The following SAMD8 variants were observed in gnomAD, a reference collection of about 807,000 sequenced individuals.
SAMD8 encodes the protein sphingomyelin synthase-related protein 1.
SAMD8 carries 20 observed loss-of-function variants against 42.0 expected under a neutral mutation model. The ratio of observed to expected loss-of-function variants is 0.48; its 90% CI spans 0.34 to 0.69. The LOEUF is 0.69. Among genes scored for constraint, SAMD8 ranks in the 30% least tolerant of loss-of-function variants. The pLI, the probability that SAMD8 is intolerant of heterozygous loss-of-function variation, is 0.01. For missense variants in SAMD8, 328 were observed against 511.6 expected, an observed-to-expected ratio of 0.64 and a Z score of 3.46; for synonymous variants, 162 against 173.0, an observed-to-expected ratio of 0.94 and a Z score of 0.50.
intron 4 of SAMD8, among the ~76,000 whole-genome samples, chr10:75,169,458 G>A (rs978012129): frequency 4.6e-5 from 7 of 150,882 alleles, no homozygotes; most frequent in Non-Finnish European, 7.4e-5. Context: ...CTCTAGCCTG[G>A]GCAACAGAGC....
At chr10:75,110,104 G>A (rs889155445), upstream of SAMD8, among the ~76,000 whole-genome samples, 7 of 152,214 alleles carry the variant, frequency 4.6e-5, no homozygotes, top group East Asian at 5.8e-4. Context: ...GGTGTGAGCC[G>A]CCGTGCCGGG....
chr10:75,162,360 A>G (rs1840576533), intron 2 of SAMD8, among the ~76,000 whole-genome samples: 1 of 151,948 alleles, frequency 6.6e-6, no homozygotes, highest in African/African-American at 2.4e-5. Flanking sequence ...CTGTGTTTCA[A>G]AAAAGTGAGG....
At chr10:75,137,445 C>T (rs1839915052) in intron 1 of SAMD8, among the ~76,000 whole-genome samples, 1 of 151,448 alleles carries the variant, frequency 6.6e-6, no homozygotes, top group Non-Finnish European at 1.5e-5. Flanking sequence ...GAGGCTGAGG[C>T]AGGAGAATTG....
intron 1 of SAMD8, among the ~76,000 whole-genome samples, chr10:75,115,264 C>T (rs750150109): frequency 1.1e-4 from 16 of 152,152 alleles, no homozygotes; most frequent in Non-Finnish European, 1.8e-4. Context: ...TGATGTAACA[C>T]ATTGAGGGGT....
intron 1 of SAMD8, among the ~76,000 whole-genome samples, chr10:75,122,946 G>A (rs1285208194): frequency 6.6e-6 from 1 of 152,068 alleles, no homozygotes; most frequent in Non-Finnish European, 1.5e-5. Context: ...TGCATCCCTG[G>A]AATGAACCCT....
intron 1 of SAMD8, among the ~76,000 whole-genome samples, chr10:75,099,912 G>A (rs760606249): frequency 2.6e-5 from 4 of 152,178 alleles, no homozygotes; most frequent in Admixed American, 6.5e-5. Flanking sequence ...TGAGAGAGGA[G>A]TGTCTGGATA....
intron 1 of SAMD8, among the ~76,000 whole-genome samples, chr10:75,112,438 CT>C (rs1848794381): frequency 6.6e-6 from 1 of 151,996 alleles, no homozygotes. Context: ...GGGCAATGTA[CT>C]TGGATCGTGG....
At chr10:75,106,635 A>G (rs538128164) in intron 1 of SAMD8, among the ~76,000 whole-genome samples, 10 of 152,016 alleles carry the variant, frequency 6.6e-5, no homozygotes, top group Non-Finnish European at 8.8e-5. Context: ...AGCCCTCCAC[A>G]CTGGCCCACT....
chr10:75,124,738 GTC>G (rs2134434334), intron 1 of SAMD8, among the ~76,000 whole-genome samples: 1 of 150,984 alleles, frequency 6.6e-6, no homozygotes, highest in East Asian at 1.9e-4. Flanking sequence ...CTGTCTTCAT[GTC>G]TGTCATTATA....
intron 1 of SAMD8, chr10:75,125,305 AGC>A (rs1849104712): frequency 6.6e-6 from 1 of 152,236 alleles, no homozygotes; most frequent in Non-Finnish European, 1.5e-5. Context: ...CCCAGGGACA[AGC>A]CTTTTAAGAA....
chr10:75,133,314 A>G (rs1031949882), intron 1 of SAMD8, among the ~76,000 whole-genome samples: 1 of 151,744 alleles, frequency 6.6e-6, no homozygotes, highest in Admixed American at 6.6e-5. Context: ...GAGGTGGGAG[A>G]ATTGCTTGAG....
At chr10:75,117,489 T>C (rs918268128) in intron 1 of SAMD8, among the ~76,000 whole-genome samples, 6 of 149,322 alleles carry the variant, frequency 4.0e-5, no homozygotes, top group Non-Finnish European at 7.4e-5. Flanking sequence ...CCAAGGTGGG[T>C]GGCTTACTTG....
rs1841076831 is a variant in SAMD8, at chr10:75,181,256, T to C, written c.*4564T>C. 2 of 152,206 alleles carry C rather than the reference T, an allele frequency of 1.3e-5. No individual in the cohort carries two copies. Among genetic ancestry groups the C allele is most frequent in the African/African-American group, 4.8e-5 (2 of 41,448 alleles). The allele number at this position is 152,206 out of a possible 1,614,324, so 9.4% of individuals were successfully genotyped here. The stretch of plus-strand genomic sequence containing the variant: ...TGTTTGTAAGCAGTTTAGCCTGAAT[T>C]ATCCCATACTGCTGTAGAGGAGAAT... On this transcript the variant is annotated 3_prime_UTR_variant, in exon 6 of 6. Coordinates refer to ENST00000542569, the MANE Select transcript of SAMD8 (RefSeq NM_001174156.2).
intron 1 of SAMD8, among the ~76,000 whole-genome samples, chr10:75,117,615 G>A (rs1848916436): frequency 6.6e-6 from 1 of 152,146 alleles, no homozygotes; most frequent in South Asian, 2.1e-4. Context: ...TGCTTGGGAG[G>A]CTGAGGCAGG....
chr10:75,103,255 C>T lies in SAMD8; in HGVS notation c.-16+3527C>T, dbSNP rs115221114. ...CATTGCCAACAGCAGGACCCAGGTC[C>T]GGGGCCCTCAGTTAGGGGCCAAGGC... On this transcript the variant is annotated intron_variant, in intron 1 of 3. Transcript: ENST00000447533. Among the ~76,000 whole-genome samples, 1,521 of 152,344 alleles carry T rather than the reference C, an allele frequency of 1.0e-2. 28 individuals carry two copies. The highest frequency in any genetic ancestry group is 0.035 in the African/African-American group (1,447 of 41,578).
intron 1 of SAMD8, among the ~76,000 whole-genome samples, chr10:75,128,991 G>A (rs1355053357): frequency 6.6e-6 from 1 of 152,058 alleles, no homozygotes; most frequent in African/African-American, 2.4e-5. Context: ...TCGTAATATA[G>A]AAGCCCTACT....
chr10:75,153,871 T>A (rs956445859), intron 2 of SAMD8, among the ~76,000 whole-genome samples: 8 of 151,810 alleles, frequency 5.3e-5, no homozygotes, highest in Admixed American at 1.3e-4. Context: ...TTCAAGCTAT[T>A]CTCCTGCCTC....
Position 75,179,904 on chromosome 10 carries a change from T to C in SAMD8, c.*3212T>C, listed in dbSNP as rs1371250038. 6.6e-6 allele frequency: 1 copy of C among 152,220 alleles called. No individual in the cohort carries two copies. Among genetic ancestry groups the C allele is most frequent in the Non-Finnish European group, 1.5e-5 (1 of 68,038 alleles). 9.4% of individuals were successfully genotyped at this position (152,220 alleles called of 1,614,324 possible). On this transcript the variant is annotated 3_prime_UTR_variant, in exon 6 of 6. Coordinates refer to ENST00000542569, the MANE Select transcript of SAMD8 (RefSeq NM_001174156.2). ...AAGGCTTACATCATCATGGAGACTT[T>C]AGTAAGGAAGGAACCAAAAGGTTTT...
chr10:75,168,326 TATAA>T (rs1345378434), intron 3 of SAMD8: 2 of 559,788 alleles, frequency 3.6e-6, no homozygotes, highest in African/African-American at 4.1e-5. Context: ...CCACATAGTA[TATAA>T]ATAGCTTCTT....
Sources: gnomAD v4.1 joint callset for allele counts (sites outside exome capture counted in the v4.1 genomes callset) on GRCh38, gnomAD v4.1.1 for gene constraint, MANE v1.5 for transcripts, NCBI Gene and HGNC (gene_info 2026-07-23, HGNC 2026-07-21) for gene names.